The following PCDH15 variants were observed in gnomAD, a reference collection of about 807,000 sequenced individuals.
PCDH15 encodes the protein protocadherin related 15, also known as protocadherin-15.
PCDH15 carries 129 observed loss-of-function variants against 178.5 expected under a neutral mutation model. That is an observed-to-expected ratio of 0.72 (90% CI 0.63 to 0.84). The LOEUF is 0.84. PCDH15 is among the 40% of genes least tolerant of loss of function. The pLI is 0.00. For missense variants in PCDH15, 2,230 were observed against 2,099.9 expected, an observed-to-expected ratio of 1.06 and a Z score of -1.21; for synonymous variants, 800 against 732.0, an observed-to-expected ratio of 1.09 and a Z score of -1.50.
At chr10:54,462,177 G>A (rs1347039292) in intron 3 of PCDH15, among the ~76,000 whole-genome samples, 3 of 152,028 alleles carry the variant, frequency 2.0e-5, no homozygotes, top group African/African-American at 7.2e-5. Flanking sequence ...TTCTGCAAAT[G>A]TGCGTAATAA....
At chr10:55,019,888 A>G (rs1363046622) in intron 2 of PCDH15, among the ~76,000 whole-genome samples, 1 of 151,664 alleles carries the variant, frequency 6.6e-6, no homozygotes, top group Non-Finnish European at 1.5e-5. Flanking sequence ...TAAGAATAAA[A>G]AAAACCATAA....
intron 2 of PCDH15, among the ~76,000 whole-genome samples, chr10:54,997,499 T>C (rs1175646358): frequency 6.6e-6 from 1 of 152,210 alleles, no homozygotes; most frequent in South Asian, 2.1e-4. Flanking sequence ...ATCTGGGTTT[T>C]ATATTTGTCT....
chr10:54,454,219 A>G (rs1775150762), intron 3 of PCDH15, among the ~76,000 whole-genome samples: 1 of 149,386 alleles, frequency 6.7e-6, no homozygotes, highest in Non-Finnish European at 1.5e-5. Flanking sequence ...TTTTTTCTAT[A>G]GGCTCTCAAT....
intron 1 of PCDH15, among the ~76,000 whole-genome samples, chr10:54,748,317 T>C (rs1945745075): frequency 6.6e-6 from 1 of 152,206 alleles, no homozygotes; most frequent in Admixed American, 6.5e-5. Context: ...ATTGTTAGTT[T>C]AGATTTTATT....
intron 3 of PCDH15, among the ~76,000 whole-genome samples, chr10:54,401,047 A>G (rs1416782771): frequency 6.6e-6 from 1 of 151,980 alleles, no homozygotes; most frequent in African/African-American, 2.4e-5. Flanking sequence ...GAAACCATTC[A>G]TAATTAAGAA....
chr10:54,264,722 A>AT (rs1184446886), intron 8 of PCDH15, among the ~76,000 whole-genome samples: 1 of 152,134 alleles, frequency 6.6e-6, no homozygotes, highest in Non-Finnish European at 1.5e-5. Context: ...AAGAAAAAAT[A>AT]TTTTTTAAAA....
At chr10:54,849,134 C>T (rs182088502) in intron 3 of PCDH15, among the ~76,000 whole-genome samples, 1 of 152,160 alleles carries the variant, frequency 6.6e-6, no homozygotes, top group Admixed American at 6.6e-5. Context: ...TTTCTAATAA[C>T]ATGTTCAGTT....
chr10:54,806,485 A>ATT (rs60187846), intron 3 of PCDH15, among the ~76,000 whole-genome samples: 5,270 of 141,190 alleles, frequency 0.037, 273 homozygotes, highest in African/African-American at 0.13. Flanking sequence ...TTCTGGCTTG[A>ATT]TTTTTTTTTT....
chr10:55,052,320 T>C (rs148294214), intron 2 of PCDH15, among the ~76,000 whole-genome samples: 1,711 of 33,274 alleles, frequency 0.051, 40 homozygotes, highest in African/African-American at 0.17. Context: ...GCGATCTCCT[T>C]ACCTCGTGAT....
intron 16 of PCDH15, among the ~76,000 whole-genome samples, chr10:54,081,819 C>G (rs2094441017): frequency 6.6e-6 from 1 of 151,980 alleles, no homozygotes; most frequent in African/African-American, 2.4e-5. Flanking sequence ...ATACATTTCC[C>G]AGGAGTGATG....
chr10:54,556,603 G>T, intron 2 of PCDH15, among the ~76,000 whole-genome samples: 1 of 144,654 alleles, frequency 6.9e-6, no homozygotes, highest in Non-Finnish European at 1.5e-5. Flanking sequence ...AAACTGTTAA[G>T]AAAATATACT....
intron 2 of PCDH15, among the ~76,000 whole-genome samples, chr10:55,569,101 C>T (rs558086289): frequency 2.0e-5 from 3 of 152,068 alleles, no homozygotes; most frequent in African/African-American, 7.2e-5. Context: ...TGCATCACCA[C>T]ATCTACCGTA....
intron 2 of PCDH15, among the ~76,000 whole-genome samples, chr10:55,526,177 T>C (rs1589110646): frequency 6.6e-6 from 1 of 152,000 alleles, no homozygotes; most frequent in African/African-American, 2.4e-5. Context: ...TGGTTGTATT[T>C]GACTAATAAA....
rs1554830276 is a variant in PCDH15, at chr10:55,094,947, T to TA, written c.-80+71628dup. 3.0e-4 allele frequency among the ~76,000 whole-genome samples: 46 copies of TA among 150,906 alleles called. 1 individual carries two copies. The highest frequency in any genetic ancestry group is 7.3e-4 in the African/African-American group (30 of 41,122). On this transcript the variant is annotated intron_variant, in intron 2 of 5. Transcript: ENST00000458638. ...CCAAATTCTTTTTTTTTTTTTTTTT[T>TA]ATCTCACTGTGTCACCCAGGCAAGA...
rs2092697699 is a variant in PCDH15 at position 54,605,308 on chromosome 10, A to AT, written c.91+58863dup. Reference sequence around the variant, plus strand: ...TTCAACTTAAAGTACTCCCTTTAGCATTTTTTATATGACAAGTCTAGTGGC... The same window carrying AT: ...TTCAACTTAAAGTACTCCCTTTAGCATTTTTTTATATGACAAGTCTAGTGGC... On this transcript the variant is annotated intron_variant, in intron 2 of 37. Transcript: ENST00000644397. Among the ~76,000 whole-genome samples the AT allele has an allele frequency of 2.6e-5, 4 of 151,844 alleles. No individual in the cohort carries two copies. In the South Asian group the frequency reaches 8.3e-4, roughly 32 times the overall value.
chr10:54,417,966 T>C (rs747068715), intron 3 of PCDH15, among the ~76,000 whole-genome samples: 20 of 152,236 alleles, frequency 1.3e-4, no homozygotes, highest in Middle Eastern at 6.8e-3. Flanking sequence ...GCAGTAGCTA[T>C]TCAAAGGTGC....
At chr10:54,494,144 A>G (rs2137207967) in intron 3 of PCDH15, among the ~76,000 whole-genome samples, 1 of 151,792 alleles carries the variant, frequency 6.6e-6, no homozygotes, top group South Asian at 2.1e-4. Context: ...CTAAATGACG[A>G]GTTAATGGGT....
intron 2 of PCDH15, among the ~76,000 whole-genome samples, chr10:55,072,149 A>G (rs1841763218): frequency 6.6e-6 from 1 of 152,224 alleles, no homozygotes; most frequent in Admixed American, 6.5e-5. Context: ...AAAGCAGGAA[A>G]GATGCAAAAT....
chr10:55,498,187 C>T (rs566166273), intron 2 of PCDH15, among the ~76,000 whole-genome samples: 1 of 151,956 alleles, frequency 6.6e-6, no homozygotes, highest in South Asian at 2.1e-4. Context: ...GTCGAAATTA[C>T]ATTTAAGTTT....
Sources: gnomAD v4.1 joint callset for allele counts (sites outside exome capture counted in the v4.1 genomes callset) on GRCh38, gnomAD v4.1.1 for gene constraint, MANE v1.5 for transcripts, NCBI Gene and HGNC (gene_info 2026-07-23, HGNC 2026-07-21) for gene names.